Variants in STK39 observed in about 807,000 individuals in gnomAD.
The protein encoded by STK39 is STE20/SPS1-related proline-alanine-rich protein kinase.
A neutral mutation model predicts 77.8 loss-of-function variants in STK39; 20 were observed. That is an observed-to-expected ratio of 0.26 (90% CI 0.18 to 0.37). The LOEUF is 0.37. Among genes scored for constraint, STK39 ranks in the 10% least tolerant of loss-of-function variants. The pLI is 1.00. For missense variants in STK39, 479 were observed against 656.5 expected (o/e 0.73, Z 2.95); for synonymous variants, 246 against 234.1 (o/e 1.05, Z -0.47).
At chr2:168,057,801 A>C (rs761094817) in intron 14 of STK39, among the ~76,000 whole-genome samples, 3 of 152,096 alleles carry the variant, frequency 2.0e-5, no homozygotes, top group Non-Finnish European at 2.9e-5. Context: ...CAGGCAAGGT[A>C]CAGTCTCCTT....
chr2:167,970,301 G>C (rs890449572), intron 16 of STK39, among the ~76,000 whole-genome samples: 4 of 152,128 alleles, frequency 2.6e-5, no homozygotes, highest in Admixed American at 2.6e-4. Flanking sequence ...ATGAATACAG[G>C]AACTGTTTTG....
intron 15 of STK39, among the ~76,000 whole-genome samples, chr2:168,014,931 C>T (rs1387294045): frequency 6.6e-6 from 1 of 152,220 alleles, no homozygotes; most frequent in East Asian, 1.9e-4. Context: ...AAGCATACAG[C>T]ATGTCCTTCT....
At chr2:168,021,067 G>A (rs980087272) in intron 14 of STK39, among the ~76,000 whole-genome samples, 1 of 151,932 alleles carries the variant, frequency 6.6e-6, no homozygotes, top group Non-Finnish European at 1.5e-5. Context: ...TAAAATGACA[G>A]GAAAAAAATG....
chr2:168,102,929 CAAAAAAA>C (rs35442749), intron 10 of STK39, among the ~76,000 whole-genome samples: 37 of 50,086 alleles, frequency 7.4e-4, no homozygotes, highest in African/African-American at 1.4e-3. Flanking sequence ...GAATCCGTCT[CAAAAAAA>C]AAAAAAAAAA....
intron 10 of STK39, among the ~76,000 whole-genome samples, chr2:168,119,904 G>A (rs1251179095): frequency 6.6e-6 from 1 of 152,130 alleles, no homozygotes; most frequent in African/African-American, 2.4e-5. Context: ...GAAACTAAAT[G>A]GTAACAAACT....
Position 168,018,695 on chromosome 2 carries a change from T to C in STK39, c.1377-1600A>G, listed in dbSNP as rs148609090. 3.0e-3 allele frequency among the ~76,000 whole-genome samples: 452 copies of C among 152,194 alleles called. 3 individuals carry two copies. The highest frequency in any genetic ancestry group is 0.01 in the African/African-American group (432 of 41,530). On this transcript the variant is annotated intron_variant, in intron 14 of 17. Transcript: ENST00000355999. ...CCTGAATACCCATCCCTGAACATCC[T>C]CCTGAGGAGCTGGGAAACTGAGCAT...
intron 10 of STK39, among the ~76,000 whole-genome samples, chr2:168,078,918 C>T (rs577179559): frequency 5.9e-5 from 9 of 152,270 alleles, no homozygotes; most frequent in Non-Finnish European, 1.2e-4. Context: ...ACAGTCGAAA[C>T]CCAAGTGATC....
chr2:168,127,879 A>G (rs1687585974), intron 10 of STK39, among the ~76,000 whole-genome samples: 1 of 152,150 alleles, frequency 6.6e-6, no homozygotes, highest in Admixed American at 6.5e-5. Context: ...TGCAGAAGGA[A>G]TCATAGGGAA....
intron 1 of STK39, among the ~76,000 whole-genome samples, chr2:168,185,818 AT>A (rs938739722): frequency 6.6e-6 from 1 of 152,232 alleles, no homozygotes; most frequent in Non-Finnish European, 1.5e-5. Flanking sequence ...ATATTTGCTT[AT>A]ATTAATTCAT....
chr2:168,212,714 C>A (rs1346472973), intron 1 of STK39, among the ~76,000 whole-genome samples: 1 of 152,112 alleles, frequency 6.6e-6, no homozygotes, highest in East Asian at 1.9e-4. Flanking sequence ...TTTTTGTAAA[C>A]AGTAAATTAT....
chr2:168,217,974 C>G (rs369042192), intron 1 of STK39, among the ~76,000 whole-genome samples: 1 of 152,150 alleles, frequency 6.6e-6, no homozygotes, highest in Non-Finnish European at 1.5e-5. Context: ...ATGATTTAGA[C>G]AGAAATAGCC....
chr2:168,024,889 C>A (rs1049341944), intron 14 of STK39, among the ~76,000 whole-genome samples: 2 of 152,188 alleles, frequency 1.3e-5, no homozygotes, highest in African/African-American at 4.8e-5. Flanking sequence ...AACAACAGAG[C>A]TGAACTAAAG....
chr2:168,018,682 T>A (rs1184620247), intron 14 of STK39, among the ~76,000 whole-genome samples: 2 of 152,090 alleles, frequency 1.3e-5, no homozygotes, highest in Admixed American at 6.6e-5. Flanking sequence ...TGAATACCCA[T>A]CCCTGAACAT....
At chr2:168,063,470 C>T in intron 14 of STK39, 30 bp downstream of exon 14, 5 of 1,578,712 alleles carry the variant, frequency 3.2e-6, no homozygotes, top group Middle Eastern at 1.7e-4. Flanking sequence ...ATAGGAAAAA[C>T]AATGCAGAAT....
In STK39 at chr2:168,094,731, T is replaced by A. The variant is rs75717130; in HGVS notation, c.1090-19500A>T. Among the ~76,000 whole-genome samples, 16 of 152,254 alleles carry A rather than the reference T, an allele frequency of 1.1e-4. No individual in the cohort carries two copies. The East Asian group carries it at 2.5e-3, about 24-fold the overall frequency. On this transcript the variant is annotated intron_variant, in intron 10 of 17. Coordinates refer to ENST00000355999, the MANE Select transcript of STK39 (RefSeq NM_013233.3). ...CCCAGGACTCCCCAGGGCTCCTTTG[T>A]TCTCTCTGTCATGTCCTCTGTGGCA...
intron 1 of STK39, among the ~76,000 whole-genome samples, chr2:168,210,070 GAAGGAAGGAAGA>G (rs1175876130): frequency 5.0e-4 from 74 of 148,042 alleles, no homozygotes; most frequent in African/African-American, 1.7e-3. Context: ...AGGAAGGAAG[GAAGGAAGGAAGA>G]AAGAAACTCA....
chr2:168,212,127 A>G (rs1689905916), intron 1 of STK39, among the ~76,000 whole-genome samples: 1 of 152,244 alleles, frequency 6.6e-6, no homozygotes, highest in African/African-American at 2.4e-5. Context: ...AGGTGAAAGA[A>G]GAAAGCTTGA....
intron 10 of STK39, among the ~76,000 whole-genome samples, chr2:168,119,466 T>A (rs779617013): frequency 6.6e-6 from 1 of 152,182 alleles, no homozygotes; most frequent in African/African-American, 2.4e-5. Flanking sequence ...TTGCTTTGAT[T>A]TGCTAATAGA....
At chr2:168,028,223 G>A (rs1026939261) in intron 14 of STK39, among the ~76,000 whole-genome samples, 1 of 152,000 alleles carries the variant, frequency 6.6e-6, no homozygotes, top group Non-Finnish European at 1.5e-5. Flanking sequence ...GTAATACAAT[G>A]AATACACATG....
Sources: allele counts gnomAD v4.1 joint callset (sites outside exome capture counted in the v4.1 genomes callset), GRCh38; gene constraint gnomAD v4.1.1; transcripts MANE v1.5; gene names NCBI Gene and HGNC (gene_info 2026-07-23, HGNC 2026-07-21).